SLC35F4: variants seen among roughly 807,000 people sequenced by gnomAD.
SLC35F4 encodes the protein chromosome 14 open reading frame 36.
A neutral mutation model predicts 44.2 loss-of-function variants in SLC35F4; 24 were observed. The observed-to-expected ratio is 0.54, with a 90% CI of 0.39 to 0.76. The LOEUF (loss-of-function observed/expected upper bound fraction) is 0.76, where lower values mean the gene tolerates loss of function less well. Ranked by LOEUF, SLC35F4 falls within the 30% of genes least tolerant of loss-of-function variation. SLC35F4 has a pLI of 0.00. For synonymous variants in SLC35F4, 238 were observed against 223.6 expected (o/e 1.06, Z -0.57); for missense variants, 562 against 586.1 (o/e 0.96, Z 0.42).
At position 57,819,571 on chromosome 14, in the gene SLC35F4, C is replaced by G. The variant is rs983591266; in HGVS notation, c.103+46152G>C. 2.0e-5 allele frequency among the ~76,000 whole-genome samples: 3 copies of G among 151,738 alleles called. No individual in the cohort carries two copies. In the East Asian group the frequency reaches 5.8e-4, roughly 29 times the overall value. On this transcript the variant is annotated intron_variant, in intron 1 of 7. Transcript: ENST00000556826. ...CTGTAATCCCAGCACTTTGGGGGAC[C>G]TAGGCAGGCAGATCACAAGGTCGGG...
intron 1 of SLC35F4, among the ~76,000 whole-genome samples, chr14:57,614,465 C>T (rs576698444): frequency 1.3e-5 from 2 of 152,224 alleles, no homozygotes; most frequent in Middle Eastern, 6.8e-3. Context: ...TCAACAATGA[C>T]AAATATTTCT....
rs191786147 is a variant in SLC35F4 at position 57,687,416 on chromosome 14, C to T, written c.104-93292G>A. Among the ~76,000 whole-genome samples the T allele has an allele frequency of 2.5e-4, 38 of 152,326 alleles. No individual in the cohort carries two copies. In the East Asian group the frequency reaches 6.4e-3, roughly 26 times the overall value. ...TAATTTGGAGCCACCTATGACTGGTCTCCAATAAATAGCTGCTATTTGAAC... is the reference window on the plus strand; with the variant it reads ...TAATTTGGAGCCACCTATGACTGGTTTCCAATAAATAGCTGCTATTTGAAC... On this transcript the variant is annotated intron_variant, in intron 1 of 7. Coordinates refer to ENST00000556826, the MANE Select transcript of SLC35F4 (RefSeq NM_001306087.2).
chr14:57,581,097 C>T, intron 4 of SLC35F4, 117 bp downstream of exon 4: 4 of 1,100,962 alleles, frequency 3.6e-6, no homozygotes, highest in Non-Finnish European at 4.9e-6. Flanking sequence ...GGTTTGTACT[C>T]AGAACAAGTG....
Position 57,635,245 on chromosome 14 carries a change from C to CAA in SLC35F4, c.104-41123_104-41122dup, listed in dbSNP as rs201670634. ...TGGGTGACAAAGCAAGACTCTTACT[C>CAA]AAAAAAAAAAAAAAAAACCCCAAAT... On this transcript the variant is annotated intron_variant, in intron 1 of 7. Coordinates refer to ENST00000556826, the MANE Select transcript of SLC35F4 (RefSeq NM_001306087.2). Among the ~76,000 whole-genome samples, 417 of 116,004 alleles carry CAA rather than the reference C, an allele frequency of 3.6e-3. 3 individuals are homozygous for CAA. Among genetic ancestry groups the CAA allele is most frequent in the African/African-American group, 0.012 (395 of 31,828 alleles). The allele number at this position is 116,004 out of a possible 152,430, so 76.1% of individuals were successfully genotyped here. A position where few individuals can be genotyped will look rare whatever the true frequency, so the allele number is the denominator to read the frequency against.
At chr14:57,805,194 T>G (rs1881161037) in intron 1 of SLC35F4, among the ~76,000 whole-genome samples, 1 of 152,172 alleles carries the variant, frequency 6.6e-6, no homozygotes, top group South Asian at 2.1e-4. Flanking sequence ...AGTTCAACCA[T>G]TGTGGAAAAT....
chr14:57,754,987 C>G (rs1241627701), intron 1 of SLC35F4, among the ~76,000 whole-genome samples: 1 of 152,120 alleles, frequency 6.6e-6, no homozygotes, highest in Non-Finnish European at 1.5e-5. Flanking sequence ...TCAGTCTGCC[C>G]CTTCTCAAAG....
At chr14:57,688,887 G>A (rs886141308) in intron 1 of SLC35F4, among the ~76,000 whole-genome samples, 10 of 152,072 alleles carry the variant, frequency 6.6e-5, no homozygotes, top group African/African-American at 9.7e-5. Context: ...AATTCTAATA[G>A]GCAATTAACC....
intron 1 of SLC35F4, among the ~76,000 whole-genome samples, chr14:57,937,274 G>A (rs1405647483): frequency 6.6e-6 from 1 of 151,986 alleles, no homozygotes; most frequent in African/African-American, 2.4e-5. Context: ...CTCAATGTCG[G>A]TCAGGCTGGT....
chr14:57,853,158 A>T (rs191317554), intron 1 of SLC35F4, among the ~76,000 whole-genome samples: 1 of 152,214 alleles, frequency 6.6e-6, no homozygotes, highest in African/African-American at 2.4e-5. Flanking sequence ...CACTTCAATG[A>T]AGCTTAACAA....
At chr14:57,695,900 A>G (rs1381853502) in intron 1 of SLC35F4, among the ~76,000 whole-genome samples, 1 of 152,140 alleles carries the variant, frequency 6.6e-6, no homozygotes, top group South Asian at 2.1e-4. Context: ...AGACTTTTAT[A>G]TTATTATTTT....
chr14:57,685,727 A>T (rs1224099914), intron 1 of SLC35F4, among the ~76,000 whole-genome samples: 1 of 152,212 alleles, frequency 6.6e-6, no homozygotes, highest in Non-Finnish European at 1.5e-5. Context: ...GTAATTTGAC[A>T]TGAGTAGGCT....
chr14:57,943,396 A>C (rs1566507968), intron 1 of SLC35F4, among the ~76,000 whole-genome samples: 6 of 152,244 alleles, frequency 3.9e-5, no homozygotes, highest in Non-Finnish European at 8.8e-5. Context: ...AATTTCTATT[A>C]AGTACATTTC....
At chr14:57,868,075 GTATT>G (rs1457996100), upstream of SLC35F4, among the ~76,000 whole-genome samples, 5 of 152,146 alleles carry the variant, frequency 3.3e-5, no homozygotes, top group African/African-American at 1.2e-4. Flanking sequence ...AGATAAAAAT[GTATT>G]TAACTGGATC....
At chr14:57,875,005 T>A (rs1438156217) in intron 1 of SLC35F4, among the ~76,000 whole-genome samples, 1 of 152,170 alleles carries the variant, frequency 6.6e-6, no homozygotes, top group Non-Finnish European at 1.5e-5. Context: ...AATAAATGAT[T>A]TCATGGTGTC....
chr14:57,809,159 T>C (rs936306871), intron 1 of SLC35F4, among the ~76,000 whole-genome samples: 8 of 152,178 alleles, frequency 5.3e-5, no homozygotes, highest in Admixed American at 2.0e-4. Context: ...GCTCTACCAC[T>C]TCAGTTTCAC....
At chr14:57,695,478 C>T (rs565139125) in intron 1 of SLC35F4, among the ~76,000 whole-genome samples, 1 of 151,686 alleles carries the variant, frequency 6.6e-6, no homozygotes, top group East Asian at 1.9e-4. Context: ...GAGATACCAT[C>T]TCACACCAGT....
chr14:57,641,767 T>G (rs2073251720), intron 1 of SLC35F4, among the ~76,000 whole-genome samples: 1 of 152,066 alleles, frequency 6.6e-6, no homozygotes, highest in African/African-American at 2.4e-5. Context: ...CCTAGAATAC[T>G]TTGTATTAAT....
intron 1 of SLC35F4, among the ~76,000 whole-genome samples, chr14:57,786,895 T>G (rs541433805): frequency 1.3e-5 from 2 of 152,164 alleles, no homozygotes; most frequent in South Asian, 4.1e-4. Flanking sequence ...TCAGCAGCAA[T>G]GGACCCAAAC....
At chr14:57,689,393 C>T (rs547027114) in intron 1 of SLC35F4, among the ~76,000 whole-genome samples, 131 of 152,154 alleles carry the variant, frequency 8.6e-4, no homozygotes, top group Admixed American at 3.2e-3. Flanking sequence ...TTCCAAGAGT[C>T]GCCCAAGAAA....
Sources: allele counts gnomAD v4.1 joint callset (sites outside exome capture counted in the v4.1 genomes callset), GRCh38; gene constraint gnomAD v4.1.1; transcripts MANE v1.5; gene names NCBI Gene and HGNC (gene_info 2026-07-23, HGNC 2026-07-21).